SRGAP1: variants seen among roughly 807,000 people sequenced by gnomAD.
SRGAP1 encodes SLIT-ROBO Rho GTPase-activating protein 1.
Under a neutral mutation model 121.9 loss-of-function variants are expected in SRGAP1, and 43 were observed. The observed-to-expected ratio is 0.35, with a 90% CI of 0.28 to 0.46. SRGAP1 has a LOEUF of 0.46. SRGAP1 is among the 20% of genes least tolerant of loss of function. The probability of loss-of-function intolerance (pLI) is 1.00; values close to 1 mark genes in which losing one functional copy is unlikely to be tolerated. For missense variants in SRGAP1, 1,102 were observed against 1,350.9 expected (o/e 0.82, Z 2.89); for synonymous variants, 447 against 485.4 (o/e 0.92, Z 1.04).
intron 1 of SRGAP1, among the ~76,000 whole-genome samples, chr12:63,921,613 T>G (rs929091119): frequency 1.3e-5 from 2 of 152,222 alleles, no homozygotes; most frequent in Non-Finnish European, 2.9e-5. Flanking sequence ...TCCCCTAACG[T>G]GTACACGTAC....
intron 3 of SRGAP1, among the ~76,000 whole-genome samples, chr12:64,012,551 CTTT>C (rs386376760): frequency 1.3e-5 from 1 of 77,662 alleles, no homozygotes; most frequent in African/African-American, 5.8e-5. Context: ...AAGTTATTAT[CTTT>C]TTTTTTTTTT....
intron 1 of SRGAP1, among the ~76,000 whole-genome samples, chr12:63,883,516 TATACA>T (rs1900263977): frequency 6.6e-6 from 1 of 152,198 alleles, no homozygotes; most frequent in Non-Finnish European, 1.5e-5. Flanking sequence ...ACATTTTGCA[TATACA>T]AAATTGTTGA....
At chr12:63,927,707 C>T (rs78348533) in intron 1 of SRGAP1, among the ~76,000 whole-genome samples, 4,595 of 152,152 alleles carry the variant, frequency 0.03, 95 homozygotes, top group Non-Finnish European at 0.05. Context: ...GGCTCATGTC[C>T]AATCTCTTCA....
At position 64,149,091 on chromosome 12, in the gene SRGAP1, T is replaced by C. The variant is rs780812482; in HGVS notation, c.*6419T>C. The C allele has an allele frequency of 2.0e-5, 3 of 152,230 alleles. No individual in the cohort carries two copies. The highest frequency in any genetic ancestry group is 6.5e-5 in the Admixed American group (1 of 15,278). The allele number at this position is 152,230 out of a possible 1,614,324, so 9.4% of individuals were successfully genotyped here. ...CATTACATGAATATGCTCAATATTA[T>C]ATTTATTTTAGTATTTCCTGATTAA... On this transcript the variant is annotated 3_prime_UTR_variant, in exon 22 of 22. Coordinates refer to ENST00000355086, the MANE Select transcript of SRGAP1 (RefSeq NM_020762.4).
At chr12:64,033,302 C>A (rs936753589) in intron 4 of SRGAP1, among the ~76,000 whole-genome samples, 1 of 152,160 alleles carries the variant, frequency 6.6e-6, no homozygotes, top group African/African-American at 2.4e-5. Context: ...TAAATTCAAA[C>A]TGTTATGCTG....
chr12:64,071,948 AG>A (rs2035645047), intron 8 of SRGAP1, among the ~76,000 whole-genome samples: 1 of 151,768 alleles, frequency 6.6e-6, no homozygotes, highest in African/African-American at 2.4e-5. Flanking sequence ...CAACACAGAC[AG>A]GGGATAGGGT....
chr12:64,126,027 G>T lies in SRGAP1; in HGVS notation c.2275G>T (p.Ala759Ser), dbSNP rs754818921. The change falls in exon 19 of 22, where the codon GCC (alanine) becomes TCC (serine). Residue 759 changes from alanine to serine, a missense_variant. Around this residue, in one of 3 missense-constraint regions of SRGAP1, gnomAD observed 747 missense variants for 929.4 expected, o/e 0.80. Coordinates refer to ENST00000355086, the MANE Select transcript of SRGAP1 (RefSeq NM_020762.4). ...CAAGTTTGACTATGTTGGGCGGTCT[G>T]CCAGAGAACTATCCTTCAAGAAGGG... ...IAKFDYVGRS[A>S]RELSFKKGAS... 8 of 1,614,016 alleles carry T rather than the reference G, an allele frequency of 5.0e-6. No individual in the cohort carries two copies. The African/African-American group carries it at 1.1e-4, about 22-fold the overall frequency.
At chr12:63,874,087 C>G (rs1325799230) in intron 1 of SRGAP1, among the ~76,000 whole-genome samples, 1 of 151,078 alleles carries the variant, frequency 6.6e-6, no homozygotes, top group Non-Finnish European at 1.5e-5. Flanking sequence ...AAGGGAGAGA[C>G]AGAGAAAGAA....
intron 3 of SRGAP1, among the ~76,000 whole-genome samples, chr12:64,010,070 G>T (rs1487466816): frequency 6.6e-6 from 1 of 152,094 alleles, no homozygotes; most frequent in Non-Finnish European, 1.5e-5. Context: ...ACATACTGTG[G>T]AAGTATGGCC....
At chr12:63,869,331 A>G (rs1189042974) in intron 1 of SRGAP1, among the ~76,000 whole-genome samples, 3 of 152,206 alleles carry the variant, frequency 2.0e-5, no homozygotes, top group Admixed American at 2.0e-4. Context: ...AATGGCATTA[A>G]TTCATTCAGG....
chr12:64,034,417 A>T (rs1218026557), intron 4 of SRGAP1, among the ~76,000 whole-genome samples: 1 of 152,122 alleles, frequency 6.6e-6, no homozygotes, highest in Non-Finnish European at 1.5e-5. Flanking sequence ...TTCTCTTTAT[A>T]AATTACCCAG....
chr12:63,981,774 C>T (rs1032302417), intron 1 of SRGAP1, among the ~76,000 whole-genome samples: 7 of 152,162 alleles, frequency 4.6e-5, no homozygotes, highest in African/African-American at 1.7e-4. Context: ...CCTGTTTTCC[C>T]CCAGGACTCC....
intron 1 of SRGAP1, among the ~76,000 whole-genome samples, chr12:63,889,422 T>G (rs769911196): frequency 6.6e-6 from 1 of 152,138 alleles, no homozygotes; most frequent in Non-Finnish European, 1.5e-5. Context: ...TTCCTATTCC[T>G]CTACTCAAGT....
At chr12:63,961,826 T>C (rs2032651573) in intron 1 of SRGAP1, among the ~76,000 whole-genome samples, 1 of 152,116 alleles carries the variant, frequency 6.6e-6, no homozygotes, top group Non-Finnish European at 1.5e-5. Context: ...GAGTGATAAG[T>C]GCTATGAAGA....
At chr12:63,907,823 G>T (rs968385891) in intron 1 of SRGAP1, among the ~76,000 whole-genome samples, 2 of 152,066 alleles carry the variant, frequency 1.3e-5, no homozygotes, top group African/African-American at 4.8e-5. Context: ...TATTTACTTG[G>T]AATTTTATCG....
intron 1 of SRGAP1, among the ~76,000 whole-genome samples, chr12:63,903,823 C>T (rs557073860): frequency 2.0e-4 from 31 of 151,996 alleles, no homozygotes; most frequent in Middle Eastern, 3.4e-3. Context: ...TTAGTAGAGA[C>T]GGGGTTTCAC....
chr12:63,862,475 T>C (rs982025956), intron 1 of SRGAP1, among the ~76,000 whole-genome samples: 7 of 152,202 alleles, frequency 4.6e-5, no homozygotes, highest in African/African-American at 1.7e-4. Context: ...ACATGGACTT[T>C]TGCCCTTGAC....
intron 6 of SRGAP1, among the ~76,000 whole-genome samples, chr12:64,055,248 T>A (rs2136525050): frequency 7.0e-6 from 1 of 142,322 alleles, no homozygotes; most frequent in Non-Finnish European, 1.5e-5. Flanking sequence ...GAACTCCCAT[T>A]CACAATTGCT....
chr12:64,158,594 A>C lies in SRGAP1; in HGVS notation c.*15922A>C, dbSNP rs1479774824. 1.3e-5 allele frequency: 2 copies of C among 152,158 alleles called. No homozygotes were observed. The highest frequency in any genetic ancestry group is 2.4e-5 in the African/African-American group (1 of 41,432). The allele number at this position is 152,158 out of a possible 1,614,324, so 9.4% of individuals were successfully genotyped here. A position where few individuals can be genotyped will look rare whatever the true frequency, so the allele number is the denominator to read the frequency against. ...TGAGACCAGCCTGGCCAATATGGTG[A>C]AACCCCGTCTCTACTAATGATACGA... On this transcript the variant is annotated 3_prime_UTR_variant, in exon 22 of 22. Transcript: ENST00000355086.
Sources: allele counts gnomAD v4.1 joint callset (sites outside exome capture counted in the v4.1 genomes callset), GRCh38; gene constraint gnomAD v4.1.1; regional missense constraint gnomAD v4.1.1; transcripts MANE v1.5; gene names NCBI Gene and HGNC (gene_info 2026-07-23, HGNC 2026-07-21).